NALCN: variants seen among roughly 807,000 people sequenced by gnomAD.
NALCN encodes the protein sodium leak channel, non-selective, also known as sodium leak channel NALCN.
Under a neutral mutation model 225.3 loss-of-function variants are expected in NALCN, and 111 were observed. That is an observed-to-expected ratio of 0.49 (90% CI 0.42 to 0.58). NALCN has a LOEUF of 0.58. NALCN is among the 20% of genes least tolerant of loss of function. NALCN has a pLI of 0.00. For synonymous variants in NALCN, 764 were observed against 769.0 expected (o/e 0.99, Z 0.11); for missense variants, 1,378 against 2,202.4 (o/e 0.63, Z 7.49).
intron 3 of NALCN, among the ~76,000 whole-genome samples, chr13:101,379,005 G>C (rs933919942): frequency 2.6e-5 from 4 of 152,046 alleles, no homozygotes; most frequent in Non-Finnish European, 5.9e-5. Context: ...CAAGAACCAA[G>C]AGTGCACTGT....
chr13:101,116,588 A>G (rs2035728215), intron 18 of NALCN: 1 of 509,226 alleles, frequency 2.0e-6, no homozygotes, highest in Non-Finnish European at 3.9e-6. Flanking sequence ...AAAAGCCTAT[A>G]CATTCTGTAA....
intron 7 of NALCN, among the ~76,000 whole-genome samples, chr13:101,337,318 TTA>T (rs77554429): frequency 6.7e-6 from 1 of 150,058 alleles, no homozygotes; most frequent in African/African-American, 2.5e-5. Flanking sequence ...ATTTATTTAT[TTA>T]TTTTTTGAGA....
intron 6 of NALCN, among the ~76,000 whole-genome samples, chr13:101,360,148 T>TTTTC (rs72192291): frequency 6.7e-6 from 1 of 149,018 alleles, no homozygotes; most frequent in South Asian, 2.1e-4. Context: ...TTCTCTCTTT[T>TTTTC]TTTCTTTCTT....
intron 13 of NALCN, among the ~76,000 whole-genome samples, chr13:101,203,979 T>C (rs1279930522): frequency 2.6e-5 from 4 of 152,194 alleles, no homozygotes; most frequent in Admixed American, 2.0e-4. Flanking sequence ...GCAGGTAAAT[T>C]AAGTGCTTTG....
At chr13:101,345,736 GAATATATATATATA>G (rs899174422) in intron 6 of NALCN, among the ~76,000 whole-genome samples, 5 of 44,470 alleles carry the variant, frequency 1.1e-4, no homozygotes, top group African/African-American at 5.9e-4. Context: ...ACAGCAAAGA[GAATATATATATATA>G]TATATATATA....
intron 12 of NALCN, among the ~76,000 whole-genome samples, chr13:101,234,908 C>T (rs777024611): frequency 1.3e-5 from 2 of 151,968 alleles, no homozygotes; most frequent in African/African-American, 2.4e-5. Context: ...TACAGCCTTG[C>T]AGGCTAATAT....
intron 10 of NALCN, among the ~76,000 whole-genome samples, chr13:101,261,250 G>A (rs1410458215): frequency 6.6e-6 from 1 of 152,136 alleles, no homozygotes; most frequent in Non-Finnish European, 1.5e-5. Context: ...GTACCACGGC[G>A]TTTTGATTAC....
intron 6 of NALCN, among the ~76,000 whole-genome samples, chr13:101,360,025 A>G (rs930733616): frequency 6.6e-6 from 1 of 152,104 alleles, no homozygotes; most frequent in Admixed American, 6.5e-5. Context: ...AATAAAAGAA[A>G]TAAGATACCC....
chr13:101,261,165 T>C (rs764896414), intron 10 of NALCN, among the ~76,000 whole-genome samples: 18 of 152,208 alleles, frequency 1.2e-4, no homozygotes, highest in Non-Finnish European at 2.2e-4. Context: ...TAAAAATGAG[T>C]TCACTGTAGG....
chr13:101,320,540 G>C (rs998946627), intron 7 of NALCN, among the ~76,000 whole-genome samples: 1 of 152,146 alleles, frequency 6.6e-6, no homozygotes, highest in Non-Finnish European at 1.5e-5. Context: ...GCCATATAAA[G>C]AAGGTTTTTA....
chr13:101,290,155 C>T (rs1193249380), intron 9 of NALCN, among the ~76,000 whole-genome samples: 1 of 152,220 alleles, frequency 6.6e-6, no homozygotes, highest in Non-Finnish European at 1.5e-5. Flanking sequence ...CAAAATGATT[C>T]TGTACAACTT....
chr13:101,094,231 C>T (rs543897754), intron 28 of NALCN, among the ~76,000 whole-genome samples: 14 of 152,252 alleles, frequency 9.2e-5, no homozygotes, highest in South Asian at 4.1e-4. Flanking sequence ...ACTGGGCTCT[C>T]CAGGAACACC....
chr13:101,334,414 A>G (rs886734414), intron 7 of NALCN, among the ~76,000 whole-genome samples: 1 of 151,660 alleles, frequency 6.6e-6, no homozygotes, highest in African/African-American at 2.4e-5. Flanking sequence ...ATGAACACAT[A>G]CATTCAAGAA....
intron 7 of NALCN, among the ~76,000 whole-genome samples, chr13:101,317,834 GT>G (rs1360208522): frequency 6.6e-6 from 1 of 152,022 alleles, no homozygotes; most frequent in Admixed American, 6.5e-5. Flanking sequence ...CCACATAAAT[GT>G]TATGTGCATT....
At chr13:101,126,216 G>C (rs1215433778) in intron 17 of NALCN, among the ~76,000 whole-genome samples, 1 of 152,152 alleles carries the variant, frequency 6.6e-6, no homozygotes, top group Admixed American at 6.5e-5. Context: ...TTTTACAGCA[G>C]ATATGTAGTA....
At chr13:101,265,328 A>G (rs935189702) in intron 10 of NALCN, among the ~76,000 whole-genome samples, 1 of 152,210 alleles carries the variant, frequency 6.6e-6, no homozygotes, top group South Asian at 2.1e-4. Context: ...TGTAACTTTG[A>G]CAACTACAGA....
intron 3 of NALCN, among the ~76,000 whole-genome samples, chr13:101,385,457 C>G (rs2046961522): frequency 6.6e-6 from 1 of 152,124 alleles, no homozygotes. Flanking sequence ...AAGAAGGTCC[C>G]TCTCTATGTA....
chr13:101,416,058 C>T (rs893978184), intron 1 of NALCN, among the ~76,000 whole-genome samples: 2 of 151,996 alleles, frequency 1.3e-5, no homozygotes, highest in African/African-American at 4.8e-5. Flanking sequence ...GGGCGCATCG[C>T]GGCTCCCGCG....
rs764267148 is a variant in NALCN, at chr13:101,292,189, A to G, written c.942+35T>C. 6.2e-7 allele frequency: 1 copy of G among 1,613,338 alleles called. No homozygotes were observed. The highest frequency in any genetic ancestry group is 1.1e-5 in the South Asian group (1 of 91,002). The stretch of plus-strand genomic sequence containing the variant: ...CAAAAGATCTGCAGAACTATCACAG[A>G]ACATAGACTTTCTTAGTACAATTCT... On this transcript the variant is annotated intron_variant, in intron 8 of 43. Transcript: ENST00000251127. This position sits in a 1 kb window ranked among gnomAD's most constrained non-coding sequence, Gnocchi z 4.3.
Sources: gnomAD v4.1 joint callset for allele counts (sites outside exome capture counted in the v4.1 genomes callset) on GRCh38, gnomAD v4.1.1 for gene constraint, Gnocchi (gnomAD v3.1) non-coding constraint, MANE v1.5 for transcripts, NCBI Gene and HGNC (gene_info 2026-07-23, HGNC 2026-07-21) for gene names.